Variants in EFCAB6 observed in about 807,000 individuals in gnomAD.
EFCAB6 encodes the protein EF-hand calcium binding domain 6.
A neutral mutation model predicts 169.8 loss-of-function variants in EFCAB6; 156 were observed. That is an observed-to-expected ratio of 0.92 (90% CI 0.81 to 1.05). EFCAB6 has a LOEUF of 1.05. EFCAB6 is among the 50% of genes least tolerant of loss of function. The probability of loss-of-function intolerance (pLI) is 0.00; values close to 1 mark genes in which losing one functional copy is unlikely to be tolerated. For synonymous variants in EFCAB6, 698 were observed against 676.4 expected (o/e 1.03, Z -0.50); for missense variants, 1,800 against 1,829.1 (o/e 0.98, Z 0.29).
At chr22:43,754,372 C>T (rs1281390530) in intron 6 of EFCAB6, among the ~76,000 whole-genome samples, 2 of 152,160 alleles carry the variant, frequency 1.3e-5, no homozygotes, top group African/African-American at 2.4e-5. Context: ...GCCCGGGTCC[C>T]GGGGTCAGTC....
At chr22:43,706,779 C>T (rs137823) in intron 10 of EFCAB6, among the ~76,000 whole-genome samples, 36,245 of 152,102 alleles carry the variant, frequency 0.24, 4,468 homozygotes, top group Middle Eastern at 0.27. Flanking sequence ...TATTTAGCCC[C>T]CAAAGGTTCA....
intron 9 of EFCAB6, among the ~76,000 whole-genome samples, chr22:43,714,662 A>G (rs1446145502): frequency 6.6e-6 from 1 of 152,204 alleles, no homozygotes; most frequent in African/African-American, 2.4e-5. Flanking sequence ...AATATTTACA[A>G]CATTAAAGGA....
chr22:43,722,458 G>A (rs1174919040), intron 8 of EFCAB6, among the ~76,000 whole-genome samples: 5 of 151,622 alleles, frequency 3.3e-5, no homozygotes, highest in Non-Finnish European at 4.4e-5. Flanking sequence ...TTGAACCCAA[G>A]AGGCAGAGGT....
Position 43,534,872 on chromosome 22 carries a change from G to A in EFCAB6, c.4049C>T (p.Ala1350Val), listed in dbSNP as rs747297153. The change falls in exon 30 of 32, where the codon GCT becomes GTT. Residue 1350 changes from alanine to valine, a missense_variant and splice_region_variant. By Grantham distance (64) the Ala-to-Val change is moderately conservative. Coordinates refer to ENST00000262726, the MANE Select transcript of EFCAB6 (RefSeq NM_022785.4). ...GTCCAGGTTGAATTTCTCCACAAGAGCTACAGAAAAAAATGGCAGTTCAAT... is the reference window on the plus strand; with the variant it reads ...GTCCAGGTTGAATTTCTCCACAAGAACTACAGAAAAAAATGGCAGTTCAAT... ...QGDINASDFL[A>V]LVEKFNLDIS... The A allele has an allele frequency of 3.1e-6, 5 of 1,592,462 alleles. No homozygotes were observed. The highest frequency in any genetic ancestry group is 2.3e-5 in the South Asian group (2 of 86,656).
chr22:43,775,846 C>T lies in EFCAB6; in HGVS notation c.140-2743G>A, dbSNP rs543029639. Among the ~76,000 whole-genome samples, 4 of 152,342 alleles carry T rather than the reference C, an allele frequency of 2.6e-5. No individual in the cohort carries two copies. The South Asian group carries it at 8.3e-4, about 32-fold the overall frequency. On this transcript the variant is annotated intron_variant, in intron 3 of 31. Transcript: ENST00000262726. Reference sequence around the variant, plus strand: ...ACATATAGGAGTTCTGGGCAACAGCCTTAGCTGAGGTTCCAGGCAACAGCT... The same window carrying T: ...ACATATAGGAGTTCTGGGCAACAGCTTTAGCTGAGGTTCCAGGCAACAGCT...
At chr22:43,708,325 G>T (rs1305901966) in intron 10 of EFCAB6, among the ~76,000 whole-genome samples, 1 of 152,050 alleles carries the variant, frequency 6.6e-6, no homozygotes. Flanking sequence ...AGAATCGCTT[G>T]AACACGGGAG....
chr22:43,789,509 G>A (rs1015598905), intron 2 of EFCAB6, among the ~76,000 whole-genome samples: 4 of 152,198 alleles, frequency 2.6e-5, no homozygotes, highest in African/African-American at 9.6e-5. Context: ...AAGACATCCA[G>A]ATGTATCCCA....
intron 17 of EFCAB6, among the ~76,000 whole-genome samples, chr22:43,654,411 A>AAC (rs1200580106): frequency 6.6e-6 from 1 of 152,230 alleles, no homozygotes; most frequent in Non-Finnish European, 1.5e-5. Flanking sequence ...AAAGTCAGGT[A>AAC]ACACACTTCA....
intron 17 of EFCAB6, among the ~76,000 whole-genome samples, chr22:43,636,015 A>G (rs537373564): frequency 1.3e-5 from 2 of 152,312 alleles, no homozygotes; most frequent in Middle Eastern, 3.4e-3. Flanking sequence ...ACCTCTGCTG[A>G]TCTCAGAGTA....
chr22:43,591,245 C>T (rs2051521164), intron 23 of EFCAB6, among the ~76,000 whole-genome samples: 1 of 150,416 alleles, frequency 6.6e-6, no homozygotes, highest in Admixed American at 6.6e-5. Flanking sequence ...ATCACGAGGT[C>T]AGGAGTTCGA....
intron 22 of EFCAB6, among the ~76,000 whole-genome samples, chr22:43,600,852 G>A (rs895404354): frequency 2.0e-5 from 3 of 152,082 alleles, no homozygotes; most frequent in Non-Finnish European, 4.4e-5. Flanking sequence ...TAGTAGAGAC[G>A]GGGTTTCAAC....
chr22:43,585,823 C>A (rs1240482506), intron 24 of EFCAB6, among the ~76,000 whole-genome samples: 1 of 152,154 alleles, frequency 6.6e-6, no homozygotes. Context: ...AAACATCAGG[C>A]TTCTTGCCAG....
intron 26 of EFCAB6, among the ~76,000 whole-genome samples, chr22:43,560,096 A>T (rs2048940565): frequency 6.6e-6 from 1 of 152,232 alleles, no homozygotes; most frequent in Non-Finnish European, 1.5e-5. Flanking sequence ...TACTGAAGCA[A>T]GACTGGAATA....
At chr22:43,529,960 T>C (rs2046959402) in intron 31 of EFCAB6, among the ~76,000 whole-genome samples, 1 of 152,234 alleles carries the variant, frequency 6.6e-6, no homozygotes, top group African/African-American at 2.4e-5. Flanking sequence ...AACTTGTTTC[T>C]AGGAGGAGAC....
intron 5 of EFCAB6, among the ~76,000 whole-genome samples, chr22:43,764,283 T>A (rs1445284801): frequency 6.6e-6 from 1 of 152,168 alleles, no homozygotes; most frequent in Non-Finnish European, 1.5e-5. Flanking sequence ...TAGCTCCCAC[T>A]TGTAAGTGAG....
intron 26 of EFCAB6, among the ~76,000 whole-genome samples, chr22:43,565,148 C>A (rs2049341504): frequency 6.6e-6 from 1 of 152,204 alleles, no homozygotes; most frequent in Admixed American, 6.5e-5. Flanking sequence ...GATGAAGGAG[C>A]ATTTGCGTAA....
intron 20 of EFCAB6, among the ~76,000 whole-genome samples, chr22:43,618,804 G>A (rs150473282): frequency 3.9e-5 from 6 of 152,276 alleles, no homozygotes; most frequent in East Asian, 1.9e-4. Context: ...TGGTGCCAAC[G>A]ATAGCAGTGG....
chr22:43,687,453 T>TTTG lies in EFCAB6; in HGVS notation c.1142+17_1142+18insCAA. The TTTG allele has an allele frequency of 7.3e-6, 10 of 1,375,340 alleles. No individual in the cohort carries two copies. The highest frequency in any genetic ancestry group is 7.9e-6 in the Non-Finnish European group (8 of 1,010,726). 85.2% of individuals were successfully genotyped at this position (1,375,340 alleles called of 1,614,324 possible). A position where few individuals can be genotyped will look rare whatever the true frequency, so the allele number is the denominator to read the frequency against. Reference sequence around the variant, plus strand: ...ATATGTGTAACTAAAATTTGTTTTTTTTTTTTTTTTTACATACCTATTTCT... The same window carrying TTTG: ...ATATGTGTAACTAAAATTTGTTTTTTTTGTTTTTTTTTTTACATACCTATTTCT... On this transcript the variant is annotated intron_variant, in intron 11 of 31. Transcript: ENST00000262726.
chr22:43,759,382 T>C (rs1340456909), intron 5 of EFCAB6: 1 of 152,238 alleles, frequency 6.6e-6, no homozygotes, highest in Non-Finnish European at 1.5e-5. Context: ...TAAACACTTC[T>C]GCTGAGATTT....
Sources: gnomAD v4.1 joint callset for allele counts (sites outside exome capture counted in the v4.1 genomes callset) on GRCh38, gnomAD v4.1.1 for gene constraint, MANE v1.5 for transcripts, NCBI Gene and HGNC (gene_info 2026-07-23, HGNC 2026-07-21) for gene names.